The following BRIP1 variants were observed in gnomAD, a reference collection of about 807,000 sequenced individuals.
BRIP1 encodes the protein BRCA1 interacting DNA helicase 1.
In BRIP1, 88 loss-of-function variants were observed where a neutral mutation model predicts 119.7. The observed-to-expected ratio is 0.74, with a 90% CI of 0.62 to 0.88. BRIP1 has a LOEUF of 0.88. BRIP1 is among the 40% of genes least tolerant of loss of function. The probability of loss-of-function intolerance (pLI) is 0.00; values close to 1 mark genes in which losing one functional copy is unlikely to be tolerated. For missense variants in BRIP1, 1,259 were observed against 1,455.4 expected, an observed-to-expected ratio of 0.87 and a Z score of 2.20; for synonymous variants, 443 against 496.5, an observed-to-expected ratio of 0.89 and a Z score of 1.43.
chr17:61,683,573 A>AGTTTC lies in BRIP1; in HGVS notation c.3472_3473insGAAAC (p.Leu1158Ter). On this transcript the variant is annotated stop_gained and frameshift_variant, in exon 20 of 20. Coordinates refer to ENST00000259008, the MANE Select transcript of BRIP1 (RefSeq NM_032043.3). LOFTEE classifies it low-confidence loss of function (END_TRUNC). The surrounding 1 kb of genome is among the most constrained non-coding windows in gnomAD (Gnocchi z 4.7). Reference sequence around the variant, plus strand: ...TAAAATGCAATCTGAATTGTTAGCCAATCTATTTCCTCTATCAGTTTCAGC... The same window carrying AGTTTC: ...TAAAATGCAATCTGAATTGTTAGCCAGTTTCATCTATTTCCTCTATCAGTTTCAGC... 1 of 1,612,764 alleles carries AGTTTC rather than the reference A, an allele frequency of 6.2e-7. No individual in the cohort carries two copies. Among genetic ancestry groups the AGTTTC allele is most frequent in the Non-Finnish European group, 8.5e-7 (1 of 1,179,972 alleles).
rs1453432931 is a variant in BRIP1 at position 61,722,510 on chromosome 17, G to T, written c.2380-6447C>A. Among the ~76,000 whole-genome samples, 1 of 152,180 alleles carries T rather than the reference G, an allele frequency of 6.6e-6. No homozygotes were observed. The highest frequency in any genetic ancestry group is 2.4e-5 in the African/African-American group (1 of 41,446). On this transcript the variant is annotated intron_variant, in intron 16 of 19. Coordinates refer to ENST00000259008, the MANE Select transcript of BRIP1 (RefSeq NM_032043.3). The surrounding 1 kb of genome is among the most constrained non-coding windows in gnomAD (Gnocchi z 4.6). ...TTCTGTCCAGCTGGGAAAAATATAT[G>T]TATTTCCTACCTATCTCTCAAAAAT...
Position 61,846,298 on chromosome 17 carries a change from T to G in BRIP1, c.627+803A>C, listed in dbSNP as rs1331430310. Among the ~76,000 whole-genome samples the G allele has an allele frequency of 6.6e-6, 1 of 151,940 alleles. No individual in the cohort carries two copies. The highest frequency in any genetic ancestry group is 1.5e-5 in the Non-Finnish European group (1 of 67,950). ...AGAGAGGTTGGAGCCAATACCTTGA[T>G]TTCTGCTAAGGCACCAACAGTTTTA... On this transcript the variant is annotated intron_variant, in intron 6 of 19. Transcript: ENST00000259008. This position sits in a 1 kb window ranked among gnomAD's most constrained non-coding sequence, Gnocchi z 4.3.
chr17:61,697,959 C>A (rs1022551880), intron 17 of BRIP1, among the ~76,000 whole-genome samples: 1 of 152,126 alleles, frequency 6.6e-6, no homozygotes, highest in African/African-American at 2.4e-5. Context: ...GCATGTACTA[C>A]CACACCTGGC....
chr17:61,785,034 T>C (rs2077684950), intron 10 of BRIP1, among the ~76,000 whole-genome samples: 1 of 152,178 alleles, frequency 6.6e-6, no homozygotes, highest in African/African-American at 2.4e-5. Context: ...CAAAGACTCT[T>C]TAATAATAAG....
Position 61,852,271 on chromosome 17 carries a change from G to A in BRIP1, c.380-3015C>T, listed in dbSNP as rs771148707. On this transcript the variant is annotated intron_variant, in intron 4 of 19. Coordinates refer to ENST00000259008, the MANE Select transcript of BRIP1 (RefSeq NM_032043.3). The surrounding 1 kb of genome is among the most constrained non-coding windows in gnomAD (Gnocchi z 4.9). The stretch of plus-strand genomic sequence containing the variant: ...TTGATAGCAAGGGAGTTTGAAGGAA[G>A]TTCATCAAAGGGGTAAAATCTTTAA... Among the ~76,000 whole-genome samples the A allele has an allele frequency of 6.6e-6, 1 of 152,150 alleles. No individual in the cohort carries two copies. The highest frequency in any genetic ancestry group is 2.4e-5 in the African/African-American group (1 of 41,436).
In BRIP1 at chr17:61,756,548, G is replaced by T. The variant is rs2077203613; in HGVS notation, c.2098-11957C>A. ...TCAGAGGCAATTTTTTTTAAAGTCAGATCTCACAAACTAAAAGACACTTTA... is the reference window on the plus strand; with the variant it reads ...TCAGAGGCAATTTTTTTTAAAGTCATATCTCACAAACTAAAAGACACTTTA... On this transcript the variant is annotated intron_variant, in intron 14 of 19. Coordinates refer to ENST00000259008, the MANE Select transcript of BRIP1 (RefSeq NM_032043.3). This position sits in a 1 kb window ranked among gnomAD's most constrained non-coding sequence, Gnocchi z 4.3. Among the ~76,000 whole-genome samples, 1 of 152,114 alleles carries T rather than the reference G, an allele frequency of 6.6e-6. No individual in the cohort carries two copies. Among genetic ancestry groups the T allele is most frequent in the African/African-American group, 2.4e-5 (1 of 41,426 alleles).
chr17:61,859,825 G>A lies in BRIP1; in HGVS notation c.176C>T (p.Ser59Phe), dbSNP rs2078949491. 1 of 1,613,744 alleles carries A rather than the reference G, an allele frequency of 6.2e-7. No individual in the cohort carries two copies. Among genetic ancestry groups the A allele is most frequent in the Non-Finnish European group, 8.5e-7 (1 of 1,179,712 alleles). ...AAGAGATTGTTGCCATGCTAAAGCA[G>A]AACAAAGTAAGGCTAAGCTTTTTCC... ...GSGKSLALLCSALAWQQSLSG... is the reference protein window; with the variant it reads ...GSGKSLALLCFALAWQQSLSG... The change falls in exon 3 of 20, where the codon TCT becomes TTT. Residue 59 changes from serine (S) to phenylalanine (F), a missense_variant. Transcript: ENST00000259008.
rs529707001 is a variant in BRIP1, at chr17:61,724,661, C to T, written c.2380-8598G>A. On this transcript the variant is annotated intron_variant, in intron 16 of 19. Coordinates refer to ENST00000259008, the MANE Select transcript of BRIP1 (RefSeq NM_032043.3). The surrounding 1 kb of genome is among the most constrained non-coding windows in gnomAD (Gnocchi z 5.1). ...ATATTATGATTTCAGTAATAAATGC[C>T]TTCCTGAAAGCAATCAATAGAAGAA... Among the ~76,000 whole-genome samples the T allele has an allele frequency of 2.6e-5, 4 of 152,232 alleles. No individual in the cohort carries two copies. In the East Asian group the frequency reaches 5.8e-4, roughly 22 times the overall value.
chr17:61,790,543 T>A (rs765336142), intron 10 of BRIP1, among the ~76,000 whole-genome samples: 24 of 152,008 alleles, frequency 1.6e-4, no homozygotes, highest in Non-Finnish European at 3.4e-4. Flanking sequence ...CGAAACTCCA[T>A]CTCAAAAAAA....
chr17:61,697,427 G>T (rs1603283330), intron 17 of BRIP1, among the ~76,000 whole-genome samples: 1 of 131,088 alleles, frequency 7.6e-6, no homozygotes, highest in South Asian at 2.7e-4. Context: ...CTATGAATTT[G>T]TCCATTTAAT....
rs1480900509 is a variant in BRIP1 at position 61,860,810 on chromosome 17, A to C, written c.93+637T>G. ...TTTATACAACAATTAAAATGGATTAAGAATCAACAGGGCTATACATTAAAA... is the reference window on the plus strand; with the variant it reads ...TTTATACAACAATTAAAATGGATTACGAATCAACAGGGCTATACATTAAAA... On this transcript the variant is annotated intron_variant, in intron 2 of 19. Coordinates refer to ENST00000259008, the MANE Select transcript of BRIP1 (RefSeq NM_032043.3). This position sits in a 1 kb window ranked among gnomAD's most constrained non-coding sequence, Gnocchi z 4.1. Among the ~76,000 whole-genome samples, 1 of 152,258 alleles carries C rather than the reference A, an allele frequency of 6.6e-6. No homozygotes were observed. The highest frequency in any genetic ancestry group is 2.4e-5 in the African/African-American group (1 of 41,472).
intron 6 of BRIP1, among the ~76,000 whole-genome samples, chr17:61,836,315 T>C (rs1203890154): frequency 6.6e-6 from 1 of 151,960 alleles, no homozygotes; most frequent in Non-Finnish European, 1.5e-5. Context: ...AGGGTCTTGC[T>C]ATGTTGCCCA....
rs6504072 is a variant in BRIP1 at position 61,807,985 on chromosome 17, T to A, written c.918+482A>T. Among the ~76,000 whole-genome samples the A allele has an allele frequency of 6.6e-6, 1 of 151,948 alleles. No homozygotes were observed. The highest frequency in any genetic ancestry group is 2.4e-5 in the African/African-American group (1 of 41,378). On this transcript the variant is annotated intron_variant, in intron 7 of 19. Coordinates refer to ENST00000259008, the MANE Select transcript of BRIP1 (RefSeq NM_032043.3). The surrounding 1 kb of genome is among the most constrained non-coding windows in gnomAD (Gnocchi z 4.5). ...TTAGTATAACTTTTAAAAGAGGGGT[T>A]TGTATTTATCAGAATTATGAGGTGG...
rs1284857695 is a variant in BRIP1 at position 61,772,194 on chromosome 17, TATATATATATATATAA to T, written c.2097+4191_2097+4206del. Among the ~76,000 whole-genome samples, 684 of 88,434 alleles carry T rather than the reference TATATATATATATATAA, an allele frequency of 7.7e-3. 8 individuals are homozygous for T. Among genetic ancestry groups the T allele is most frequent in the African/African-American group, 0.012 (271 of 22,208 alleles). The allele number at this position is 88,434 out of a possible 152,430, so 58.0% of individuals were successfully genotyped here. On this transcript the variant is annotated intron_variant, in intron 14 of 19. Coordinates refer to ENST00000259008, the MANE Select transcript of BRIP1 (RefSeq NM_032043.3). The stretch of plus-strand genomic sequence containing the variant: ...ATATATATATATATATATATATATA[TATATATATATATATAA>T]AATGAAATATTATTCTGCCATAAAA...
rs144749656 is a variant in BRIP1, at chr17:61,823,757, AACACACACACACACAC to A, written c.628-15016_628-15001del. Among the ~76,000 whole-genome samples the A allele has an allele frequency of 5.3e-5, 7 of 131,672 alleles. No individual in the cohort carries two copies. The highest frequency in any genetic ancestry group is 1.6e-4 in the African/African-American group (6 of 37,740). The allele number at this position is 131,672 out of a possible 152,430, so 86.4% of individuals were successfully genotyped here. A position where few individuals can be genotyped will look rare whatever the true frequency, so the allele number is the denominator to read the frequency against. On this transcript the variant is annotated intron_variant, in intron 6 of 19. Coordinates refer to ENST00000259008, the MANE Select transcript of BRIP1 (RefSeq NM_032043.3). The surrounding 1 kb of genome is among the most constrained non-coding windows in gnomAD (Gnocchi z 4.8). ...GCTCAATGACCCCAAGCACACAATAAACACACACACACACACACACACACACACACACACACACACC... is the reference window on the plus strand; with the variant it reads ...GCTCAATGACCCCAAGCACACAATAAACACACACACACACACACACACACC...
Position 61,728,518 on chromosome 17 carries a change from C to A in BRIP1, c.2380-12455G>T, listed in dbSNP as rs1018507298. ...CTAAGCAGAAAAGAGAAAGTTCAAA[C>A]CAACGTATCCACAGAGCTACTGCTG... On this transcript the variant is annotated intron_variant, in intron 16 of 19. Coordinates refer to ENST00000259008, the MANE Select transcript of BRIP1 (RefSeq NM_032043.3). Among the ~76,000 whole-genome samples, 3 of 152,128 alleles carry A rather than the reference C, an allele frequency of 2.0e-5. 1 individual carries two copies. Among genetic ancestry groups the A allele is most frequent in the Non-Finnish European group, 2.9e-5 (2 of 68,022 alleles).
rs1432935589 is a variant in BRIP1 at position 61,679,403 on chromosome 17, C to G, written c.*3893G>C. Among the ~76,000 whole-genome samples the G allele has an allele frequency of 1.3e-5, 2 of 152,204 alleles. No individual in the cohort carries two copies. The highest frequency in any genetic ancestry group is 3.9e-4 in the East Asian group (2 of 5,192). On this transcript the variant is annotated 3_prime_UTR_variant, in exon 20 of 20. Transcript: ENST00000259008. This position sits in a 1 kb window ranked among gnomAD's most constrained non-coding sequence, Gnocchi z 4.4. ...GAAACATCTACTCTTTACATTGTACCTTTATTCCAAGAATAAAGCCCTGTC... is the reference window on the plus strand; with the variant it reads ...GAAACATCTACTCTTTACATTGTACGTTTATTCCAAGAATAAAGCCCTGTC...
Position 61,691,259 on chromosome 17 carries a change from A to G in BRIP1, c.2575+2171T>C, listed in dbSNP as rs1361661184. ...ATAATAAAAATAAAAATTAAAATAA[A>G]AAAACTCAAACCAGGGAAAAAAAAT... On this transcript the variant is annotated intron_variant, in intron 18 of 19. Coordinates refer to ENST00000259008, the MANE Select transcript of BRIP1 (RefSeq NM_032043.3). This position sits in a 1 kb window ranked among gnomAD's most constrained non-coding sequence, Gnocchi z 5.0. 6.7e-6 allele frequency among the ~76,000 whole-genome samples: 1 copy of G among 148,934 alleles called. No individual in the cohort carries two copies. The highest frequency in any genetic ancestry group is 1.5e-5 in the Non-Finnish European group (1 of 65,992).
At position 61,726,195 on chromosome 17, in the gene BRIP1, T is replaced by TAAG. The variant is rs996792917; in HGVS notation, c.2380-10135_2380-10133dup. Among the ~76,000 whole-genome samples, 25 of 152,216 alleles carry TAAG rather than the reference T, an allele frequency of 1.6e-4. No homozygotes were observed. The highest frequency in any genetic ancestry group is 3.5e-4 in the Non-Finnish European group (24 of 68,042). ...TTTCCTTTCTCAATTTCTTCGTCTG[T>TAAG]AAGAAGGGGCTTAGAATTAGAAGTC... On this transcript the variant is annotated intron_variant, in intron 16 of 19. Transcript: ENST00000259008. The surrounding 1 kb of genome is among the most constrained non-coding windows in gnomAD (Gnocchi z 6.2).
Sources: gnomAD v4.1 joint callset for allele counts (sites outside exome capture counted in the v4.1 genomes callset) on GRCh38, gnomAD v4.1.1 for gene constraint, Gnocchi (gnomAD v3.1) non-coding constraint, MANE v1.5 for transcripts, NCBI Gene and HGNC (gene_info 2026-07-23, HGNC 2026-07-21) for gene names.